Variants in USP13 observed in about 807,000 individuals in gnomAD.
USP13 encodes ubiquitin carboxyl-terminal hydrolase 13.
Under a neutral mutation model 107.8 loss-of-function variants are expected in USP13, and 68 were observed. That is an observed-to-expected ratio of 0.63 (90% CI 0.52 to 0.77). The LOEUF (loss-of-function observed/expected upper bound fraction) is 0.77, where lower values mean the gene tolerates loss of function less well. Ranked by LOEUF, USP13 falls within the 30% of genes least tolerant of loss-of-function variation. USP13 has a pLI of 0.00. For missense variants in USP13, 945 were observed against 1,093.3 expected (o/e 0.86, Z 1.91); for synonymous variants, 377 against 389.5 (o/e 0.97, Z 0.38).
At chr3:179,712,157 G>C (rs1212418277) in intron 6 of USP13, among the ~76,000 whole-genome samples, 1 of 152,172 alleles carries the variant, frequency 6.6e-6, no homozygotes, top group Non-Finnish European at 1.5e-5. Context: ...TAATAATAAA[G>C]GCCAAGAATT....
At chr3:179,764,269 C>T (rs1715104893) in intron 18 of USP13, 101 bp downstream of exon 18, 13 of 1,438,930 alleles carry the variant, frequency 9.0e-6, no homozygotes, top group Non-Finnish European at 1.0e-5. Flanking sequence ...CATTTTGATT[C>T]ATGTTTGATT....
chr3:179,740,272 G>T lies in USP13; in HGVS notation c.1280G>T (p.Arg427Leu), dbSNP rs368929380. ...HKPQQNGISPRMFKAFVSKSH... is the reference protein window; with the variant it reads ...HKPQQNGISPLMFKAFVSKSH... The stretch of plus-strand genomic sequence containing the variant: ...CCACAGCAGAACGGGATCTCTCCGC[G>T]CATGTTTAAGGCCTTTGTAAGCAAG... The change falls in exon 11 of 21, where the codon CGC (arginine) becomes CTC (leucine). Residue 427 changes from arginine (R) to leucine (L), a missense_variant. Transcript: ENST00000263966. 6.2e-7 allele frequency: 1 copy of T among 1,614,008 alleles called. No individual in the cohort carries two copies. The highest frequency in any genetic ancestry group is 8.5e-7 in the Non-Finnish European group (1 of 1,180,014).
chr3:179,707,109 C>T (rs778297108), intron 5 of USP13, 33 bp downstream of exon 5: 1 of 1,579,994 alleles, frequency 6.3e-7, no homozygotes, highest in South Asian at 1.2e-5. Flanking sequence ...GAACTTTACT[C>T]CCTAAAACTG....
chr3:179,740,430 C>G, intron 11 of USP13, 58 bp downstream of exon 11: 1 of 1,609,842 alleles, frequency 6.2e-7, no homozygotes, highest in Non-Finnish European at 8.5e-7. Context: ...CCGAGCCACT[C>G]AGTGCAGTCT....
intron 1 of USP13, among the ~76,000 whole-genome samples, chr3:179,658,064 T>C (rs1409980853): frequency 1.3e-5 from 2 of 152,100 alleles, no homozygotes; most frequent in Non-Finnish European, 2.9e-5. Context: ...CATTTCCTTT[T>C]CTTTCTCAGC....
chr3:179,694,253 A>T (rs1389351740), intron 3 of USP13, among the ~76,000 whole-genome samples: 1 of 152,098 alleles, frequency 6.6e-6, no homozygotes, highest in Non-Finnish European at 1.5e-5. Flanking sequence ...GGGATTACAG[A>T]TGTGAGCCAC....
At chr3:179,680,398 T>C (rs1484598205) in intron 1 of USP13, among the ~76,000 whole-genome samples, 2 of 152,200 alleles carry the variant, frequency 1.3e-5, no homozygotes, top group Non-Finnish European at 2.9e-5. Context: ...TTGCATTATA[T>C]TTACTAGTTC....
At chr3:179,709,038 A>T in intron 6 of USP13, 81 bp downstream of exon 6, 1 of 1,503,702 alleles carries the variant, frequency 6.7e-7, no homozygotes, top group Non-Finnish European at 9.0e-7. Flanking sequence ...AGGTGGTTGG[A>T]AGGTGCAGGC....
chr3:179,740,504 C>T, intron 11 of USP13, 132 bp downstream of exon 11: 1 of 1,378,710 alleles, frequency 7.3e-7, no homozygotes, highest in East Asian at 2.3e-5. Flanking sequence ...AAAGCTGGTT[C>T]AGAATCAGAT....
chr3:179,698,516 A>G (rs1414167784), intron 3 of USP13, among the ~76,000 whole-genome samples: 1 of 149,050 alleles, frequency 6.7e-6, no homozygotes, highest in Non-Finnish European at 1.5e-5. Flanking sequence ...CTTGTATTAT[A>G]TTTATGCCAG....
At chr3:179,734,616 C>G (rs915429991) in intron 10 of USP13, among the ~76,000 whole-genome samples, 3 of 152,150 alleles carry the variant, frequency 2.0e-5, no homozygotes, top group Admixed American at 2.0e-4. Context: ...CTCTATTTTC[C>G]TAGGTTAGAC....
chr3:179,692,018 T>A (rs1190432126), intron 3 of USP13, among the ~76,000 whole-genome samples: 1 of 152,242 alleles, frequency 6.6e-6, no homozygotes, highest in African/African-American at 2.4e-5. Context: ...TACATACATA[T>A]ACATATGTAT....
chr3:179,675,190 T>A (rs896289947), intron 1 of USP13, among the ~76,000 whole-genome samples: 1 of 151,578 alleles, frequency 6.6e-6, no homozygotes, highest in Non-Finnish European at 1.5e-5. Flanking sequence ...AAAAAAAAAA[T>A]TTCTTAAGTT....
chr3:179,707,909 T>G (rs1369622610), intron 5 of USP13, among the ~76,000 whole-genome samples: 1 of 152,228 alleles, frequency 6.6e-6, no homozygotes, highest in Non-Finnish European at 1.5e-5. Context: ...ATAGAGATGG[T>G]AATACTGATG....
chr3:179,740,517 C>T (rs959653053), intron 11 of USP13, 145 bp downstream of exon 11: 98 of 1,288,518 alleles, frequency 7.6e-5, no homozygotes, highest in Non-Finnish European at 1.0e-4. Flanking sequence ...AATCAGATCC[C>T]TGGAAACTCT....
At position 179,745,114 on chromosome 3, in the gene USP13, C is replaced by A; in HGVS notation, c.1606C>A (p.Arg536Ser). 1 of 1,614,110 alleles carries A rather than the reference C, an allele frequency of 6.2e-7. No homozygotes were observed. Among genetic ancestry groups the A allele is most frequent in the Non-Finnish European group, 8.5e-7 (1 of 1,180,026 alleles). The change falls in exon 13 of 21, where the codon CGT (arginine) becomes AGT (serine). Residue 536 changes from arginine to serine, a missense_variant. By Grantham distance (110) the Arg-to-Ser change is moderately radical (BLOSUM62 -1). Coordinates refer to ENST00000263966, the MANE Select transcript of USP13 (RefSeq NM_003940.3). ...CAGAAGACCCCTTCCTGAGTTGGTA[C>A]GTGCCAAGATACCATTTAGTGCCTG... is the stretch of plus-strand genomic sequence containing the variant. ...ANRRPLPELVRAKIPFSACLQ... is the reference protein window; with the variant it reads ...ANRRPLPELVSAKIPFSACLQ...
chr3:179,775,758 G>A, intron 19 of USP13, among the ~76,000 whole-genome samples: 1 of 152,340 alleles, frequency 6.6e-6, no homozygotes, highest in South Asian at 2.1e-4. Context: ...GCTGGCCTGG[G>A]TGCAAAGCCC....
At chr3:179,696,817 G>A (rs1297959352) in intron 3 of USP13, among the ~76,000 whole-genome samples, 7 of 152,134 alleles carry the variant, frequency 4.6e-5, no homozygotes, top group Admixed American at 2.0e-4. Context: ...GTAGAGAAGC[G>A]AGGAGGTAAG....
chr3:179,709,882 C>T (rs976238430), intron 6 of USP13, among the ~76,000 whole-genome samples: 10 of 152,180 alleles, frequency 6.6e-5, no homozygotes, highest in African/African-American at 2.4e-4. Context: ...TGTTATTTTT[C>T]GATGATGGAA....
Sources: gnomAD v4.1 joint callset for allele counts (sites outside exome capture counted in the v4.1 genomes callset) on GRCh38, gnomAD v4.1.1 for gene constraint, MANE v1.5 for transcripts, NCBI Gene and HGNC (gene_info 2026-07-23, HGNC 2026-07-21) for gene names.